NOL4: variants seen among roughly 807,000 people sequenced by gnomAD.
The protein encoded by NOL4 is cancer/testis antigen 125.
NOL4 carries 17 observed loss-of-function variants against 75.9 expected under a neutral mutation model. The ratio of observed to expected loss-of-function variants is 0.22; its 90% CI spans 0.15 to 0.34. The LOEUF is 0.34. NOL4 is among the 10% of genes least tolerant of loss of function. NOL4 has a pLI of 1.00. For missense variants in NOL4, 614 were observed against 793.5 expected (o/e 0.77, Z 2.72); for synonymous variants, 292 against 289.9 (o/e 1.01, Z -0.07).
chr18:34,123,567 C>A (rs2080249485), intron 2 of NOL4, among the ~76,000 whole-genome samples: 5 of 140,678 alleles, frequency 3.6e-5, no homozygotes, highest in African/African-American at 8.0e-5. Context: ...ATATGGTTCT[C>A]TATATATATA....
chr18:34,051,842 T>A (rs1206526370), intron 5 of NOL4, among the ~76,000 whole-genome samples: 1 of 151,978 alleles, frequency 6.6e-6, no homozygotes, highest in African/African-American at 2.4e-5. Flanking sequence ...GTATTAGTGC[T>A]TCAGAGGAAA....
intron 10 of NOL4, among the ~76,000 whole-genome samples, chr18:33,872,015 A>G (rs2063724174): frequency 6.6e-6 from 1 of 152,042 alleles, no homozygotes; most frequent in African/African-American, 2.4e-5. Context: ...ATAATTGTAA[A>G]TCATCAAAAT....
chr18:33,885,129 A>G (rs946599002), intron 9 of NOL4, among the ~76,000 whole-genome samples: 1 of 151,568 alleles, frequency 6.6e-6, no homozygotes, highest in Non-Finnish European at 1.5e-5. Flanking sequence ...TTGAATGTTG[A>G]TATAAATTTA....
intron 2 of NOL4, among the ~76,000 whole-genome samples, chr18:34,122,629 G>C (rs1241443141): frequency 1.3e-5 from 2 of 152,080 alleles, no homozygotes. Context: ...CATCACACAT[G>C]TAGAACTTAC....
chr18:34,030,451 TG>T (rs1367863919), intron 5 of NOL4, among the ~76,000 whole-genome samples: 2 of 151,806 alleles, frequency 1.3e-5, no homozygotes, highest in African/African-American at 4.8e-5. Context: ...AATAGAAGGA[TG>T]GAAGAAAGGA....
At chr18:33,939,082 G>GT (rs2068276462) in intron 9 of NOL4, among the ~76,000 whole-genome samples, 1 of 152,220 alleles carries the variant, frequency 6.6e-6, no homozygotes, top group South Asian at 2.1e-4. Flanking sequence ...AGATGAGATG[G>GT]TTGTAGATGT....
intron 9 of NOL4, among the ~76,000 whole-genome samples, chr18:33,918,657 T>C (rs2066865139): frequency 6.6e-6 from 1 of 152,210 alleles, no homozygotes; most frequent in Non-Finnish European, 1.5e-5. Context: ...TACTTTTCAT[T>C]CAAATTATTT....
chr18:33,863,072 C>G (rs908225752), intron 10 of NOL4, among the ~76,000 whole-genome samples: 3 of 152,124 alleles, frequency 2.0e-5, no homozygotes, highest in African/African-American at 4.8e-5. Context: ...ACATATACAC[C>G]ATGGAATACT....
chr18:34,167,231 G>C (rs2032485473), intron 1 of NOL4, among the ~76,000 whole-genome samples: 1 of 151,938 alleles, frequency 6.6e-6, no homozygotes, highest in Admixed American at 6.6e-5. Context: ...AGGGAATTGA[G>C]CATCACAGGA....
chr18:33,875,258 T>C (rs183488480), intron 10 of NOL4, among the ~76,000 whole-genome samples: 2 of 152,128 alleles, frequency 1.3e-5, no homozygotes, highest in African/African-American at 2.4e-5. Context: ...AAGTCCTATG[T>C]AAATGGTGTG....
At chr18:34,093,807 A>C (rs944895660) in intron 4 of NOL4, among the ~76,000 whole-genome samples, 16 of 152,298 alleles carry the variant, frequency 1.1e-4, no homozygotes, top group African/African-American at 3.1e-4. Context: ...TCAGAGGCTG[A>C]GGAGGGCAGA....
chr18:34,003,823 G>C lies in NOL4; in HGVS notation c.1056+15495C>G, dbSNP rs928932311. ...CTAACAGATCCTCCCCCTGGCCAAG[G>C]GCATTCCAAAGTTAACCTGAAACCT... On this transcript the variant is annotated intron_variant, in intron 6 of 10. Transcript: ENST00000261592. 4.6e-5 allele frequency among the ~76,000 whole-genome samples: 7 copies of C among 151,922 alleles called. No individual in the cohort carries two copies. In the East Asian group the frequency reaches 1.2e-3, roughly 25 times the overall value.
At chr18:33,968,686 T>C (rs1016877104) in intron 6 of NOL4, among the ~76,000 whole-genome samples, 3 of 152,156 alleles carry the variant, frequency 2.0e-5, no homozygotes, top group Non-Finnish European at 2.9e-5. Flanking sequence ...CTATGCTCAC[T>C]ACCTGTGTGA....
chr18:33,950,591 A>G (rs1304306905), intron 8 of NOL4, among the ~76,000 whole-genome samples: 1 of 152,158 alleles, frequency 6.6e-6, no homozygotes, highest in Non-Finnish European at 1.5e-5. Context: ...CAAGTTAAGA[A>G]GCATAGTACT....
chr18:33,862,252 C>T (rs1419283089), intron 10 of NOL4, among the ~76,000 whole-genome samples: 2 of 151,894 alleles, frequency 1.3e-5, no homozygotes. Flanking sequence ...TTCCTTACAC[C>T]TTATACAAAA....
chr18:33,939,574 G>T (rs1413488707), intron 9 of NOL4, among the ~76,000 whole-genome samples: 2 of 151,978 alleles, frequency 1.3e-5, no homozygotes, highest in Admixed American at 6.6e-5. Context: ...GGATATGTTT[G>T]TCTGTTATTG....
chr18:34,097,592 GA>G (rs2078848074), intron 4 of NOL4, among the ~76,000 whole-genome samples: 1 of 152,136 alleles, frequency 6.6e-6, no homozygotes, highest in Non-Finnish European at 1.5e-5. Flanking sequence ...TTGAACATTT[GA>G]AATGTGGTTA....
At chr18:34,055,638 T>A (rs2076804612) in intron 5 of NOL4, among the ~76,000 whole-genome samples, 1 of 152,130 alleles carries the variant, frequency 6.6e-6, no homozygotes, top group Non-Finnish European at 1.5e-5. Flanking sequence ...TATATCCGTT[T>A]CTTTCCTCAA....
At chr18:34,161,576 G>A (rs1280715298) in intron 1 of NOL4, among the ~76,000 whole-genome samples, 3 of 151,942 alleles carry the variant, frequency 2.0e-5, no homozygotes, top group East Asian at 1.9e-4. Context: ...GTTCTGATTT[G>A]TATTTCCTTG....
Sources: allele counts gnomAD v4.1 joint callset (sites outside exome capture counted in the v4.1 genomes callset), GRCh38; gene constraint gnomAD v4.1.1; transcripts MANE v1.5; gene names NCBI Gene and HGNC (gene_info 2026-07-23, HGNC 2026-07-21).